PPARGC1A: variants seen among roughly 807,000 people sequenced by gnomAD.
The protein encoded by PPARGC1A is peroxisome proliferator-activated receptor gamma coactivator 1-alpha.
Under a neutral mutation model 88.7 loss-of-function variants are expected in PPARGC1A, and 25 were observed. The observed-to-expected ratio is 0.28, with a 90% CI of 0.21 to 0.39. The LOEUF (loss-of-function observed/expected upper bound fraction) is 0.39. Ranked by LOEUF, PPARGC1A falls within the 10% of genes least tolerant of loss-of-function variation. The pLI is 1.00. For missense variants in PPARGC1A, 880 were observed against 968.7 expected (o/e 0.91, Z 1.22); for synonymous variants, 363 against 355.6 (o/e 1.02, Z -0.24).
At chr4:23,978,229 A>T in the PPARGC1A span, among the ~76,000 whole-genome samples, 1 of 152,338 alleles carries the variant, frequency 6.6e-6, no homozygotes, top group East Asian at 1.9e-4. Context: ...AGGTCACCTC[A>T]TCATCCTTCC....
At chr4:24,122,609 C>T in the PPARGC1A span, among the ~76,000 whole-genome samples, 107 of 152,170 alleles carry the variant, frequency 7.0e-4, no homozygotes, top group East Asian at 0.02. Context: ...GTATGGAGAA[C>T]AGTGTCCCTG....
At chr4:24,360,821 A>G in the PPARGC1A span, among the ~76,000 whole-genome samples, 1 of 152,340 alleles carries the variant, frequency 6.6e-6, no homozygotes, top group Admixed American at 6.5e-5. Flanking sequence ...AGTTTTGCTC[A>G]TCTATATGAT....
At chr4:24,284,233 C>T in the PPARGC1A span, among the ~76,000 whole-genome samples, 25 of 151,992 alleles carry the variant, frequency 1.6e-4, no homozygotes, top group African/African-American at 4.8e-4. Flanking sequence ...TGCTTGAACC[C>T]GGGAGGCAGA....
the PPARGC1A span, among the ~76,000 whole-genome samples, chr4:24,254,220 T>A: frequency 4.6e-3 from 695 of 152,286 alleles, 3 homozygotes; most frequent in Admixed American, 0.012. Context: ...GTTACCTCAG[T>A]TATGCCTTGC....
the PPARGC1A span, among the ~76,000 whole-genome samples, chr4:23,956,195 G>C: frequency 6.6e-6 from 1 of 152,166 alleles, no homozygotes; most frequent in East Asian, 1.9e-4. Context: ...GTGAGGGCTG[G>C]AGTTTGTCAA....
intron 2 of PPARGC1A, among the ~76,000 whole-genome samples, chr4:23,835,172 T>C (rs1725776087): frequency 6.6e-6 from 1 of 152,224 alleles, no homozygotes; most frequent in African/African-American, 2.4e-5. Context: ...AAGCCGTTAT[T>C]TGCTTTCAAT....
chr4:24,460,373 C>T, the PPARGC1A span, among the ~76,000 whole-genome samples: 1 of 152,128 alleles, frequency 6.6e-6, no homozygotes, highest in African/African-American at 2.4e-5. Context: ...TTTACAAACA[C>T]TCCCCAAAAC....
At chr4:24,041,011 G>C in the PPARGC1A span, among the ~76,000 whole-genome samples, 1 of 152,132 alleles carries the variant, frequency 6.6e-6, no homozygotes, top group Admixed American at 6.6e-5. Flanking sequence ...GTTATTATAG[G>C]AGAACTTGGC....
chr4:23,986,891 A>T, the PPARGC1A span, among the ~76,000 whole-genome samples: 1 of 152,108 alleles, frequency 6.6e-6, no homozygotes, highest in African/African-American at 2.4e-5. Context: ...TGCATATCAG[A>T]CATCAGCAGG....
the PPARGC1A span, among the ~76,000 whole-genome samples, chr4:24,312,442 T>A: frequency 6.6e-6 from 1 of 151,938 alleles, no homozygotes; most frequent in Admixed American, 6.6e-5. Context: ...AGAGAAAGGA[T>A]CCCAGGACTG....
At chr4:23,869,080 G>A (rs1712695863) in intron 2 of PPARGC1A, among the ~76,000 whole-genome samples, 1 of 152,286 alleles carries the variant, frequency 6.6e-6, no homozygotes, top group Middle Eastern at 3.4e-3. Flanking sequence ...TGAAAGGTCA[G>A]GTGAAAAGGC....
chr4:24,136,643 G>A, the PPARGC1A span, among the ~76,000 whole-genome samples: 27 of 152,242 alleles, frequency 1.8e-4, no homozygotes, highest in African/African-American at 6.0e-4. Context: ...CCCTCGCTCT[G>A]TGGAATGTTA....
the PPARGC1A span, among the ~76,000 whole-genome samples, chr4:24,326,642 G>T: frequency 6.6e-6 from 1 of 152,030 alleles, no homozygotes; most frequent in African/African-American, 2.4e-5. Flanking sequence ...TACCTATCTC[G>T]GCATAATTCT....
chr4:24,309,946 G>C, the PPARGC1A span, among the ~76,000 whole-genome samples: 8 of 152,176 alleles, frequency 5.3e-5, no homozygotes, highest in Non-Finnish European at 1.0e-4. Flanking sequence ...GTAAAGCATT[G>C]AATAGGATTT....
the PPARGC1A span, among the ~76,000 whole-genome samples, chr4:24,148,700 T>C: frequency 8.5e-5 from 13 of 152,314 alleles, no homozygotes; most frequent in Non-Finnish European, 2.9e-5. Context: ...GGTGCCTACG[T>C]GTCTGTGATG....
chr4:24,093,052 G>A, the PPARGC1A span, among the ~76,000 whole-genome samples: 3 of 152,182 alleles, frequency 2.0e-5, no homozygotes, highest in Non-Finnish European at 4.4e-5. Context: ...CTAGGTGTCC[G>A]ATGCTGTGCT....
intron 2 of PPARGC1A, among the ~76,000 whole-genome samples, chr4:23,853,667 A>G (rs1324670689): frequency 6.6e-6 from 1 of 152,216 alleles, no homozygotes; most frequent in Non-Finnish European, 1.5e-5. Flanking sequence ...TAAGACAATA[A>G]CAACTGCCTT....
At chr4:24,027,082 A>G in the PPARGC1A span, among the ~76,000 whole-genome samples, 4 of 152,132 alleles carry the variant, frequency 2.6e-5, no homozygotes, top group Non-Finnish European at 1.5e-5. Context: ...AGTAACAGAA[A>G]GGACTTTCAA....
chr4:24,186,034 A>G, the PPARGC1A span, among the ~76,000 whole-genome samples: 1 of 152,162 alleles, frequency 6.6e-6, no homozygotes, highest in South Asian at 2.1e-4. Context: ...TTGGCTACCC[A>G]TGTACAGCAA....
Sources: gnomAD v4.1 joint callset for allele counts (sites outside exome capture counted in the v4.1 genomes callset) on GRCh38, gnomAD v4.1.1 for gene constraint, MANE v1.5 for transcripts, NCBI Gene and HGNC (gene_info 2026-07-23, HGNC 2026-07-21) for gene names.